TBL1XR1: variants seen among roughly 807,000 people sequenced by gnomAD.
TBL1XR1 encodes the protein F-box-like/WD repeat-containing protein TBL1XR1.
A neutral mutation model predicts 66.9 loss-of-function variants in TBL1XR1; 5 were observed. That is an observed-to-expected ratio of 0.07 (90% CI 0.04 to 0.16). The LOEUF is 0.16. TBL1XR1 is among the 10% of genes least tolerant of loss of function. The pLI, the probability that TBL1XR1 is intolerant of heterozygous loss-of-function variation, is 1.00. For missense variants in TBL1XR1, 238 were observed against 623.2 expected (o/e 0.38, Z 6.58); for synonymous variants, 210 against 206.0 (o/e 1.02, Z -0.17).
At chr3:177,092,712 T>C (rs1722987967) in intron 2 of TBL1XR1, among the ~76,000 whole-genome samples, 1 of 135,120 alleles carries the variant, frequency 7.4e-6, no homozygotes, top group African/African-American at 2.6e-5. Context: ...TACAGAAGTT[T>C]TTCAAGGAAA....
chr3:177,188,460 C>G (rs930959438), intron 1 of TBL1XR1, among the ~76,000 whole-genome samples: 1 of 151,894 alleles, frequency 6.6e-6, no homozygotes, highest in African/African-American at 2.4e-5. Context: ...GGCAGGAGAA[C>G]TGCTTGAACC....
intron 1 of TBL1XR1, among the ~76,000 whole-genome samples, chr3:177,189,684 T>A (rs1270978264): frequency 1.7e-5 from 2 of 114,612 alleles, no homozygotes; most frequent in Non-Finnish European, 3.5e-5. Context: ...TAACACCAAA[T>A]TAGTTGCCTT....
At chr3:177,114,279 A>AC in intron 1 of TBL1XR1, among the ~76,000 whole-genome samples, 1 of 151,012 alleles carries the variant, frequency 6.6e-6, no homozygotes, top group African/African-American at 2.4e-5. Context: ...ATATATACAC[A>AC]CATCATATAT....
rs1211943483 is a variant in TBL1XR1, at chr3:177,162,928, G to A, written c.-122+34193C>T. ...CACTATGTTGGCAAGAACATGGGCA[G>A]AGACACATTGAGAGCAGGAATGTAA... On this transcript the variant is annotated intron_variant, in intron 1 of 15. Transcript: ENST00000457928. Among the ~76,000 whole-genome samples the A allele has an allele frequency of 5.3e-5, 8 of 152,346 alleles. 1 individual carries two copies. The South Asian group carries it at 1.5e-3, about 28-fold the overall frequency.
At chr3:177,160,567 C>T (rs1246483273) in intron 1 of TBL1XR1, among the ~76,000 whole-genome samples, 1 of 152,002 alleles carries the variant, frequency 6.6e-6, no homozygotes, top group African/African-American at 2.4e-5. Context: ...TCCCATTCTG[C>T]TTCCAATTCC....
In TBL1XR1 at chr3:177,142,575, A is replaced by G. The variant is rs566906358; in HGVS notation, c.-121-44034T>C. 3.9e-5 allele frequency among the ~76,000 whole-genome samples: 6 copies of G among 152,292 alleles called. No individual in the cohort carries two copies. In the South Asian group the frequency reaches 1.2e-3, roughly 32 times the overall value. ...TGCAAAGTCCAAGCCCCAACTCTGG[A>G]GTCAAGTCCCGTCTCCTACCTCAGT... On this transcript the variant is annotated intron_variant, in intron 1 of 15. Coordinates refer to ENST00000457928, the MANE Select transcript of TBL1XR1 (RefSeq NM_024665.7).
rs880210 is a variant in TBL1XR1, at chr3:177,098,846, G to T, written c.-121-305C>A. 1.3e-5 allele frequency among the ~76,000 whole-genome samples: 2 copies of T among 151,914 alleles called. 1 individual carries two copies. Among genetic ancestry groups the T allele is most frequent in the East Asian group, 3.9e-4 (2 of 5,176 alleles). On this transcript the variant is annotated intron_variant, in intron 1 of 15. Transcript: ENST00000457928. Reference sequence around the variant, plus strand: ...ACTCATGTAAATATTATTGCATTACGGTCCAATTAGTATGTTCATAATCTA... The same window carrying T: ...ACTCATGTAAATATTATTGCATTACTGTCCAATTAGTATGTTCATAATCTA...
intron 1 of TBL1XR1, among the ~76,000 whole-genome samples, chr3:177,187,744 G>A (rs749027102): frequency 9.4e-4 from 142 of 151,362 alleles, no homozygotes; most frequent in Middle Eastern, 3.4e-3. Flanking sequence ...GAGAAGAAAA[G>A]AGAAACACAA....
intron 10 of TBL1XR1, among the ~76,000 whole-genome samples, chr3:177,042,782 A>G (rs17553446): frequency 0.026 from 3,927 of 152,214 alleles, 77 homozygotes; most frequent in South Asian, 0.037. Context: ...CTTGGAGCTA[A>G]AGTTAACATT....
chr3:177,033,028 A>C lies in TBL1XR1; in HGVS notation c.1359T>G (p.Asp453Glu). The change falls in exon 14 of 16, where the codon GAT (aspartate) becomes GAG (glutamate). Residue 453 changes from aspartate (D) to glutamate (E), a missense_variant. Physicochemically the swap from Asp to Glu is conservative, Grantham distance 45 (BLOSUM62 2). This residue lies in a region of TBL1XR1 where 26 missense variants were observed against 35.1 expected (regional missense o/e 0.74). Coordinates refer to ENST00000457928, the MANE Select transcript of TBL1XR1 (RefSeq NM_024665.7). ...AAGAACCACTTGCCAGATACCTGCC[A>C]TCAGGACTGAAAGCTACACTGTACA... ...EPVYSVAFSP[D>E]GRYLASGSFD... is the part of the protein sequence containing the mutation. 6.2e-7 allele frequency: 1 copy of C among 1,608,608 alleles called. No homozygotes were observed. The highest frequency in any genetic ancestry group is 8.5e-7 in the Non-Finnish European group (1 of 1,176,660).
intron 1 of TBL1XR1, among the ~76,000 whole-genome samples, chr3:177,187,966 T>G (rs1216562725): frequency 7.0e-6 from 1 of 143,190 alleles, no homozygotes; most frequent in Non-Finnish European, 1.5e-5. Flanking sequence ...TTTTTTTTTT[T>G]TGAGATGGAG....
chr3:177,032,022 A>G (rs1404075915), intron 14 of TBL1XR1, among the ~76,000 whole-genome samples: 3 of 152,206 alleles, frequency 2.0e-5, no homozygotes, highest in Admixed American at 6.5e-5. Flanking sequence ...AATGTCATTC[A>G]TAAGAAAATG....
At chr3:177,199,655 A>G (rs1288049626), upstream of TBL1XR1, among the ~76,000 whole-genome samples, 2 of 151,734 alleles carry the variant, frequency 1.3e-5, no homozygotes, top group Non-Finnish European at 2.9e-5. Context: ...CTTCCCCTAA[A>G]TGACTTCTAT....
At chr3:177,197,716 G>GGCTCCAGCGGCCGC (rs1559982093), upstream of TBL1XR1, among the ~76,000 whole-genome samples, 1 of 145,632 alleles carries the variant, frequency 6.9e-6, no homozygotes, top group East Asian at 2.0e-4. Context: ...GCGGCGGGGG[G>GGCTCCAGCGGCCGC]GCTCCAGCGG....
chr3:177,136,025 A>G (rs1217952345), intron 1 of TBL1XR1, among the ~76,000 whole-genome samples: 1 of 152,014 alleles, frequency 6.6e-6, no homozygotes, highest in Non-Finnish European at 1.5e-5. Flanking sequence ...CTTTACTCCA[A>G]TAGATCAGTA....
chr3:177,040,524 A>G (rs1242755701), intron 10 of TBL1XR1, among the ~76,000 whole-genome samples: 2 of 152,222 alleles, frequency 1.3e-5, no homozygotes, highest in East Asian at 3.8e-4. Flanking sequence ...GCCAAGAGAT[A>G]TGTCATGCGT....
chr3:177,133,318 T>C (rs576962388), intron 1 of TBL1XR1, among the ~76,000 whole-genome samples: 1 of 151,932 alleles, frequency 6.6e-6, no homozygotes, highest in East Asian at 1.9e-4. Context: ...ATAAAATAAA[T>C]AAACGAATCC....
intron 1 of TBL1XR1, among the ~76,000 whole-genome samples, chr3:177,134,224 G>GT: frequency 6.6e-6 from 1 of 152,140 alleles, no homozygotes; most frequent in East Asian, 1.9e-4. Flanking sequence ...CATCTTTCCC[G>GT]TTTTTTGCTT....
chr3:177,145,109 T>A (rs1730093471), intron 1 of TBL1XR1, among the ~76,000 whole-genome samples: 1 of 152,170 alleles, frequency 6.6e-6, no homozygotes, highest in Non-Finnish European at 1.5e-5. Flanking sequence ...AACAGGAACC[T>A]AGTGGTTATC....
Sources: gnomAD v4.1 joint callset for allele counts (sites outside exome capture counted in the v4.1 genomes callset) on GRCh38, gnomAD v4.1.1 for gene constraint, gnomAD v4.1.1 regional missense constraint, MANE v1.5 for transcripts, NCBI Gene and HGNC (gene_info 2026-07-23, HGNC 2026-07-21) for gene names.